Variants in RIN2 observed in about 807,000 individuals in gnomAD.
RIN2 encodes the protein Ras and Rab interactor 2.
A neutral mutation model predicts 78.0 loss-of-function variants in RIN2; 36 were observed. The ratio of observed to expected loss-of-function variants is 0.46; its 90% confidence interval spans 0.35 to 0.61. The LOEUF is 0.61. RIN2 is among the 20% of genes least tolerant of loss of function. The pLI, the probability that RIN2 is intolerant of heterozygous loss-of-function variation, is 0.00. For missense variants in RIN2, 1,087 were observed against 1,159.7 expected (o/e 0.94, Z 0.91); for synonymous variants, 466 against 466.8 (o/e 1.00, Z 0.02).
At chr20:19,786,782 G>A (rs1398093868) in intron 1 of RIN2, among the ~76,000 whole-genome samples, 5 of 152,156 alleles carry the variant, frequency 3.3e-5, no homozygotes, top group African/African-American at 1.2e-4. Context: ...TTTTATAGCG[G>A]AAGTTGATAG....
chr20:19,770,014 G>A (rs1303942276), intron 1 of RIN2, among the ~76,000 whole-genome samples: 1 of 152,170 alleles, frequency 6.6e-6, no homozygotes, highest in Admixed American at 6.5e-5. Flanking sequence ...TCCTATAAGC[G>A]CATTTAAACC....
intron 2 of RIN2, among the ~76,000 whole-genome samples, chr20:19,834,675 T>C (rs2036351944): frequency 6.6e-6 from 1 of 152,252 alleles, no homozygotes; most frequent in East Asian, 1.9e-4. Context: ...TCTTCGGTCT[T>C]TTTAGTTTTT....
At chr20:19,922,796 T>A (rs900401283) in intron 3 of RIN2, among the ~76,000 whole-genome samples, 1 of 152,108 alleles carries the variant, frequency 6.6e-6, no homozygotes, top group Non-Finnish European at 1.5e-5. Context: ...CAGATACAAT[T>A]AGCCAATGCA....
At chr20:19,905,926 G>A (rs943823960) in intron 3 of RIN2, among the ~76,000 whole-genome samples, 1 of 152,198 alleles carries the variant, frequency 6.6e-6, no homozygotes. Context: ...CACTGACTTA[G>A]GAACTAACTG....
chr20:19,938,776 G>A (rs1486842539), intron 4 of RIN2, among the ~76,000 whole-genome samples: 1 of 152,142 alleles, frequency 6.6e-6, no homozygotes, highest in Non-Finnish European at 1.5e-5. Flanking sequence ...AATTTCCTAG[G>A]TTATCCCACC....
At chr20:19,840,978 T>C (rs935040931) in intron 2 of RIN2, among the ~76,000 whole-genome samples, 1 of 152,196 alleles carries the variant, frequency 6.6e-6, no homozygotes, top group African/African-American at 2.4e-5. Context: ...CTCTTTTTTC[T>C]TCGGCCTCTC....
At chr20:19,781,216 C>T (rs2034492390) in intron 1 of RIN2, among the ~76,000 whole-genome samples, 1 of 152,188 alleles carries the variant, frequency 6.6e-6, no homozygotes, top group Admixed American at 6.5e-5. Flanking sequence ...GGCCCAAACT[C>T]AGTCACATAG....
intron 1 of RIN2, among the ~76,000 whole-genome samples, chr20:19,758,992 T>A (rs2033511079): frequency 6.6e-6 from 1 of 152,176 alleles, no homozygotes; most frequent in Non-Finnish European, 1.5e-5. Flanking sequence ...AGCCCCGGAT[T>A]CCTGCCGGGA....
At position 19,918,381 on chromosome 20, in the gene RIN2, G is replaced by A. The variant is rs2039773240; in HGVS notation, c.58-16718G>A. On this transcript the variant is annotated intron_variant, in intron 3 of 12. Transcript: ENST00000255006. ...TGTGTGTGTGTGTGTGTGTGTGTGT[G>A]TGTGTGTGTGTGTCAAAGATTGATT... Among the ~76,000 whole-genome samples the A allele has an allele frequency of 2.0e-5, 3 of 151,196 alleles. No individual in the cohort carries two copies. In the South Asian group the frequency reaches 6.2e-4, roughly 31 times the overall value.
chr20:19,761,603 A>G (rs977126440), intron 1 of RIN2, among the ~76,000 whole-genome samples: 1 of 152,214 alleles, frequency 6.6e-6, no homozygotes, highest in Non-Finnish European at 1.5e-5. Flanking sequence ...TATAATGTCT[A>G]GGCCAACTTC....
At chr20:19,991,956 ACATT>A (rs1464792299) in intron 10 of RIN2, among the ~76,000 whole-genome samples, 1 of 152,206 alleles carries the variant, frequency 6.6e-6, no homozygotes, top group African/African-American at 2.4e-5. Flanking sequence ...TGGTTCATAG[ACATT>A]CATTCTGAAA....
chr20:19,979,635 A>C (rs950886686), intron 9 of RIN2, among the ~76,000 whole-genome samples: 8 of 152,008 alleles, frequency 5.3e-5, no homozygotes, highest in African/African-American at 1.9e-4. Flanking sequence ...TTTTGTTTTC[A>C]AATGAGTATT....
chr20:19,844,595 TTCTTCC>T lies in RIN2; in HGVS notation c.-37+44854_-37+44859del, dbSNP rs1394040426. On this transcript the variant is annotated intron_variant, in intron 2 of 12. Transcript: ENST00000255006. ...AGAGAGCTGCTGCTGCTGCTGCTGC[TTCTTCC>T]TCTTCTTCTTCTTCTTCTTCTTCTT... Among the ~76,000 whole-genome samples, 313 of 58,466 alleles carry T rather than the reference TTCTTCC, an allele frequency of 5.4e-3. 1 individual carries two copies. The highest frequency in any genetic ancestry group is 0.014 in the African/African-American group (233 of 16,696). The allele number at this position is 58,466 out of a possible 152,430, so 38.4% of individuals were successfully genotyped here.
chr20:19,920,270 T>C (rs2039862044), intron 3 of RIN2, among the ~76,000 whole-genome samples: 2 of 139,174 alleles, frequency 1.4e-5, no homozygotes, highest in East Asian at 4.5e-4. Flanking sequence ...CACTCCAGTC[T>C]GGGCGACAGA....
intron 2 of RIN2, among the ~76,000 whole-genome samples, chr20:19,853,422 G>T (rs949308446): frequency 3.3e-5 from 5 of 152,046 alleles, no homozygotes; most frequent in African/African-American, 1.2e-4. Context: ...TGGGTCAAAT[G>T]GTATTTCTAG....
rs182760507 is a variant in RIN2 at position 19,809,957 on chromosome 20, C to T, written c.-37+10210C>T. On this transcript the variant is annotated intron_variant, in intron 2 of 12. Coordinates refer to ENST00000255006, the MANE Select transcript of RIN2 (RefSeq NM_018993.4). The stretch of plus-strand genomic sequence containing the variant: ...GCCCAGGAAAGCTAGATGGCCGCTG[C>T]GACCACTGAGATAGAACTCCAGGTG... Among the ~76,000 whole-genome samples, 24 of 152,250 alleles carry T rather than the reference C, an allele frequency of 1.6e-4. No homozygotes were observed. The East Asian group carries it at 4.1e-3, about 26-fold the overall frequency.
chr20:19,871,366 G>A (rs2037683462), intron 2 of RIN2, among the ~76,000 whole-genome samples: 1 of 152,180 alleles, frequency 6.6e-6, no homozygotes. Flanking sequence ...CCAGGAGTTT[G>A]AGACCACCCT....
At chr20:19,771,118 T>C (rs2034104216) in intron 1 of RIN2, among the ~76,000 whole-genome samples, 1 of 152,192 alleles carries the variant, frequency 6.6e-6, no homozygotes, top group East Asian at 1.9e-4. Context: ...ATGCAGGCCT[T>C]TGGCGTGTTT....
chr20:19,971,397 C>A (rs1244422378), intron 8 of RIN2, among the ~76,000 whole-genome samples: 1 of 152,110 alleles, frequency 6.6e-6, no homozygotes. Flanking sequence ...TGCCGATGTC[C>A]CCTAAGTCCC....
Sources: gnomAD v4.1 joint callset for allele counts (sites outside exome capture counted in the v4.1 genomes callset) on GRCh38, gnomAD v4.1.1 for gene constraint, MANE v1.5 for transcripts, NCBI Gene and HGNC (gene_info 2026-07-23, HGNC 2026-07-21) for gene names.